Variants in SBF1 observed in about 807,000 individuals in gnomAD.
The protein encoded by SBF1 is myotubularin-related protein 5.
In SBF1, 65 loss-of-function variants were observed where a neutral mutation model predicts 215.8. The ratio of observed to expected loss-of-function variants is 0.30; its 90% CI spans 0.25 to 0.37. The LOEUF is 0.37. SBF1 is among the 10% of genes least tolerant of loss of function. The pLI is 1.00. For synonymous variants in SBF1, 1,410 were observed against 1,122.8 expected (o/e 1.26, Z -5.11); for missense variants, 2,634 against 2,667.8 (o/e 0.99, Z 0.28).
At position 50,465,952 on chromosome 22, in the gene SBF1, G is replaced by A. The variant is rs2067734373; in HGVS notation, c.1011+9C>T. On this transcript the variant is annotated intron_variant, in intron 9 of 40. Transcript: ENST00000380817. ...CCCAAGGCTCCCGCTTGCCCATGGT[G>A]CCCCTCACCATGCTCAGCACACTGT... 4 of 1,612,986 alleles carry A rather than the reference G, an allele frequency of 2.5e-6. No homozygotes were observed. Among genetic ancestry groups the A allele is most frequent in the Non-Finnish European group, 3.4e-6 (4 of 1,179,152 alleles).
Position 50,454,564 on chromosome 22 carries a change from C to T in SBF1, c.4991G>A (p.Cys1664Tyr), listed in dbSNP as rs2067172087. The T allele has an allele frequency of 2.5e-6, 4 of 1,611,782 alleles. No homozygotes were observed. The African/African-American group carries it at 5.3e-5, about 22-fold the overall frequency. Residue 1664 changes from cysteine (C) to tyrosine (Y), a missense_variant, in exon 36 of 41, where the codon TGT becomes TAT. Transcript: ENST00000380817. ...CTGGGCCCGCGGGCAGCTGTCGTAA[C>T]AGGGCCACACCACGCGGCGCCTGCT... ...PQSRRRVVWP[C>Y]YDSCPRAQPD... is the part of the protein sequence containing the mutation.
chr22:50,461,174 G>A lies in SBF1; in HGVS notation c.2952C>T (p.Arg984=), dbSNP rs369020162. The part of the protein sequence containing the change: ...DQLLQDGLQL[R]SCTFQLLKMA... ...CGCGCCCCACCTGGAATGTGCAGGA[G>A]CGCAGCTGGAGCCCGTCCTGCAGGA... The change falls in exon 23 of 41, where the codon CGC becomes CGT. Residue 984 remains arginine (R), a synonymous_variant. Transcript: ENST00000380817. 5.6e-6 allele frequency: 9 copies of A among 1,607,350 alleles called. No homozygotes were observed. The African/African-American group carries it at 1.1e-4, about 19-fold the overall frequency.
At chr22:50,453,249 ACT>A (rs1052777316) in intron 36 of SBF1, among the ~76,000 whole-genome samples, 5 of 152,118 alleles carry the variant, frequency 3.3e-5, no homozygotes, top group Admixed American at 6.6e-5. Flanking sequence ...AAGCTGAGTG[ACT>A]CTGTTAGCAC....
chr22:50,468,338 C>A, intron 2 of SBF1, 38 bp downstream of exon 2: 1 of 1,593,960 alleles, frequency 6.3e-7, no homozygotes, highest in Non-Finnish European at 8.6e-7. Context: ...CCTGCCCTCC[C>A]CACCTGCCAG....
At chr22:50,458,418 G>A (rs2067349254) in intron 28 of SBF1, among the ~76,000 whole-genome samples, 1 of 151,984 alleles carries the variant, frequency 6.6e-6, no homozygotes, top group African/African-American at 2.4e-5. Flanking sequence ...GGAGGCAGCA[G>A]CCACTGGCAC....
chr22:50,474,024 G>C (rs764111439), intron 1 of SBF1, among the ~76,000 whole-genome samples: 7 of 152,204 alleles, frequency 4.6e-5, no homozygotes, highest in Non-Finnish European at 1.0e-4. Context: ...GGCTGTTGCT[G>C]ATGTCATCGT....
intron 31 of SBF1, chr22:50,455,817 G>A: frequency 3.5e-6 from 2 of 574,152 alleles, no homozygotes; most frequent in Non-Finnish European, 3.1e-6. Context: ...CTAGGACTGA[G>A]GGACGTCCCT....
chr22:50,451,749 C>G (rs1212064985), intron 36 of SBF1, among the ~76,000 whole-genome samples: 1 of 151,564 alleles, frequency 6.6e-6, no homozygotes, highest in Non-Finnish European at 1.5e-5. Flanking sequence ...AGAATCAACA[C>G]CAACTTCTAA....
chr22:50,457,124 CAG>C lies in SBF1; in HGVS notation c.3827-15_3827-14del, dbSNP rs767206713. The C allele has an allele frequency of 1.9e-5, 28 of 1,472,760 alleles. No individual in the cohort carries two copies. Among genetic ancestry groups the C allele is most frequent in the Non-Finnish European group, 2.5e-5 (28 of 1,119,742 alleles). The allele number at this position is 1,472,760 out of a possible 1,614,324, so 91.2% of individuals were successfully genotyped here. A position where few individuals can be genotyped will look rare whatever the true frequency, so the allele number is the denominator to read the frequency against. On this transcript the variant is annotated splice_polypyrimidine_tract_variant and intron_variant, in intron 28 of 40. Coordinates refer to ENST00000380817, the MANE Select transcript of SBF1 (RefSeq NM_002972.4). ...CTGGGGCTGGGAACTGAGGGCACAG[CAG>C]AGAGAAGGCTCAGGCCTAGCCCCAG... is the stretch of plus-strand genomic sequence containing the variant.
At chr22:50,453,384 C>A (rs538739987) in intron 36 of SBF1, among the ~76,000 whole-genome samples, 3 of 152,314 alleles carry the variant, frequency 2.0e-5, no homozygotes, top group Admixed American at 6.5e-5. Flanking sequence ...AAACCCTGTG[C>A]CCCATGCTAA....
chr22:50,450,426 C>A (rs1017950445), intron 36 of SBF1, among the ~76,000 whole-genome samples: 4 of 151,330 alleles, frequency 2.6e-5, no homozygotes, highest in East Asian at 3.9e-4. Context: ...GAGGCTGAGG[C>A]AGGAGAATTG....
At position 50,460,113 on chromosome 22, in the gene SBF1, C is replaced by T. The variant is rs1266132889; in HGVS notation, c.3330G>A (p.Leu1110=). The change falls in exon 26 of 41, where the codon CTG becomes CTA. Residue 1110 remains leucine (L), a synonymous_variant. Coordinates refer to ENST00000380817, the MANE Select transcript of SBF1 (RefSeq NM_002972.4). ...EPSTLTPSSA[L]KPSDRMTMSS... Reference sequence around the variant, plus strand: ...TCATGGTCATGCGGTCGGAGGGCTTCAGGGCTGAGGACGGGGTCAGCGTGC... The same window carrying T: ...TCATGGTCATGCGGTCGGAGGGCTTTAGGGCTGAGGACGGGGTCAGCGTGC... 1.2e-6 allele frequency: 2 copies of T among 1,613,396 alleles called. No individual in the cohort carries two copies. The highest frequency in any genetic ancestry group is 1.7e-5 in the Admixed American group (1 of 60,020).
rs184582113 is a variant in SBF1 at position 50,452,015 on chromosome 22, C to T, written c.5043+2497G>A. Among the ~76,000 whole-genome samples, 5 of 151,932 alleles carry T rather than the reference C, an allele frequency of 3.3e-5. No individual in the cohort carries two copies. The East Asian group carries it at 5.8e-4, about 18-fold the overall frequency. On this transcript the variant is annotated intron_variant, in intron 36 of 40. Transcript: ENST00000380817. The stretch of plus-strand genomic sequence containing the variant: ...TTCACCATATTTGCCAGGCTGGTCT[C>T]GAACTCCTGACCTCAGGTTATCCAC...
intron 5 of SBF1, 111 bp downstream of exon 5, chr22:50,467,227 A>C: frequency 1.2e-6 from 1 of 848,890 alleles, no homozygotes; most frequent in Non-Finnish European, 1.9e-6. Flanking sequence ...CGCAAGAGGG[A>C]GCATCCAAGG....
intron 1 of SBF1, among the ~76,000 whole-genome samples, chr22:50,473,130 C>T (rs2068053646): frequency 6.6e-6 from 1 of 152,106 alleles, no homozygotes; most frequent in Non-Finnish European, 1.5e-5. Flanking sequence ...CTACCTTCAA[C>T]TCCTCACCCC....
chr22:50,466,571 G>C, intron 6 of SBF1, 34 bp downstream of exon 6: 1 of 1,534,850 alleles, frequency 6.5e-7, no homozygotes, highest in Non-Finnish European at 8.8e-7. Flanking sequence ...GTCCCCGAGG[G>C]GAAGCCATGC....
rs761489112 is a variant in SBF1 at position 50,462,726 on chromosome 22, G to A, written c.1969-9C>T. On this transcript the variant is annotated splice_polypyrimidine_tract_variant and intron_variant, in intron 17 of 40. Transcript: ENST00000380817. ...ACCCCCGGGCTCAGCTTCTGCAGGA[G>A]CCAGGGGAGAAGGTCAGCTGGATGC... The A allele has an allele frequency of 1.6e-5, 26 of 1,611,012 alleles. No homozygotes were observed. The highest frequency in any genetic ancestry group is 1.1e-4 in the East Asian group (5 of 44,826).
At position 50,474,806 on chromosome 22, in the gene SBF1, G is replaced by C. The variant is rs1452044278; in HGVS notation, c.35C>G (p.Ala12Gly). Residue 12 changes from alanine (A) to glycine (G), a missense_variant, in exon 1 of 41, where the codon GCG becomes GGG. Transcript: ENST00000380817. ...ARLADYFVLV[A>G]FGPHPRGSGE... The stretch of plus-strand genomic sequence containing the variant: ...CTCACCGCGCGGGTGCGGCCCGAAC[G>C]CCACCAGCACGAAGTAGTCCGCGAG... 5 of 1,457,146 alleles carry C rather than the reference G, an allele frequency of 3.4e-6. No individual in the cohort carries two copies. The highest frequency in any genetic ancestry group is 4.5e-6 in the Non-Finnish European group (5 of 1,108,506). 90.3% of individuals were successfully genotyped at this position (1,457,146 alleles called of 1,614,324 possible). A position where few individuals can be genotyped will look rare whatever the true frequency, so the allele number is the denominator to read the frequency against.
chr22:50,450,429 G>A (rs755044068), intron 36 of SBF1, among the ~76,000 whole-genome samples: 3 of 151,838 alleles, frequency 2.0e-5, no homozygotes, highest in African/African-American at 4.8e-5. Context: ...GCTGAGGCAG[G>A]AGAATTGCTT....
Sources: gnomAD v4.1 joint callset for allele counts (sites outside exome capture counted in the v4.1 genomes callset) on GRCh38, gnomAD v4.1.1 for gene constraint, MANE v1.5 for transcripts, NCBI Gene and HGNC (gene_info 2026-07-23, HGNC 2026-07-21) for gene names.